Variants in FIS1 observed in about 807,000 individuals in gnomAD.
The protein encoded by FIS1 is mitochondrial fission 1 protein.
In FIS1, 16 loss-of-function variants were observed where a neutral mutation model predicts 21.6. The ratio of observed to expected loss-of-function variants is 0.74; its 90% CI spans 0.50 to 1.12. FIS1 has a LOEUF of 1.12. Among genes scored for constraint, FIS1 ranks in the 50% most tolerant of loss-of-function variants. FIS1 has a pLI of 0.00. For synonymous variants in FIS1, 92 were observed against 82.2 expected, an observed-to-expected ratio of 1.12 and a Z score of -0.65; for missense variants, 198 against 190.9, an observed-to-expected ratio of 1.04 and a Z score of -0.22.
chr7:101,241,674 G>C (rs1276793817), intron 2 of FIS1: 5 of 141,804 alleles, frequency 3.5e-5, no homozygotes, highest in Non-Finnish European at 7.6e-5. Flanking sequence ...AAAGAGACAG[G>C]GTGGGCCGTG....
At chr7:101,243,879 A>G (rs537700773) in intron 2 of FIS1, 128 bp downstream of exon 2, 713 of 1,221,532 alleles carry the variant, frequency 5.8e-4, no homozygotes, top group Non-Finnish European at 6.9e-4. Context: ...TCACTGGGAG[A>G]CGTCAAGCTA....
At chr7:101,244,562 AGAGCTACAAAGACT>A (rs943276731) in intron 1 of FIS1, 5 of 350,088 alleles carry the variant, frequency 1.4e-5, no homozygotes, top group African/African-American at 1.1e-4. Context: ...CCTACCTCCT[AGAGCTACAAAGACT>A]GAGATCTGGC....
intron 3 of FIS1, 72 bp downstream of exon 3, chr7:101,240,758 C>G: frequency 6.9e-7 from 1 of 1,445,142 alleles, no homozygotes; most frequent in Non-Finnish European, 9.7e-7. Flanking sequence ...TCCAGGGCTC[C>G]ACCCTGGAGG....
At chr7:101,241,184 T>G in intron 2 of FIS1, 1 of 415,396 alleles carries the variant, frequency 2.4e-6, no homozygotes. Context: ...ATCGGGGCCC[T>G]GGAGAAGCCA....
intron 2 of FIS1, among the ~76,000 whole-genome samples, chr7:101,242,962 T>A (rs10265282): frequency 0.022 from 3,276 of 152,264 alleles, 126 homozygotes; most frequent in African/African-American, 0.075. Flanking sequence ...TACAGTATAC[T>A]ATTTACACAG....
At position 101,244,943 on chromosome 7, in the gene FIS1, T is replaced by C; in HGVS notation, c.45+17A>G. The C allele has an allele frequency of 6.2e-7, 1 of 1,613,946 alleles. No homozygotes were observed. The highest frequency in any genetic ancestry group is 8.5e-7 in the Non-Finnish European group (1 of 1,179,914). ...CCCTCCGACCTTCCCTTTCCCTCTG[T>C]CCGGGCCAGGCCTCACCAGCAGGTC... On this transcript the variant is annotated intron_variant, in intron 1 of 4. Transcript: ENST00000223136.
chr7:101,244,836 C>CG (rs1378347605), intron 1 of FIS1, 124 bp downstream of exon 1: 1 of 1,212,774 alleles, frequency 8.2e-7, no homozygotes, highest in East Asian at 2.5e-5. Context: ...TGGAGGCTGC[C>CG]GGGAGCCGTA....
chr7:101,241,030 G>A, intron 2 of FIS1, 124 bp from the exon 3 acceptor site: 1 of 929,274 alleles, frequency 1.1e-6, no homozygotes, highest in South Asian at 1.5e-5. Flanking sequence ...ACAGTCCTAA[G>A]CCTCCCTTTC....
chr7:101,244,356 G>A (rs1415673741), intron 1 of FIS1, among the ~76,000 whole-genome samples: 2 of 152,096 alleles, frequency 1.3e-5, no homozygotes, highest in African/African-American at 4.8e-5. Context: ...CCCTCCCCGC[G>A]GCGGTACCGA....
intron 2 of FIS1, 107 bp downstream of exon 2, chr7:101,243,900 T>C (rs1164924192): frequency 2.1e-5 from 30 of 1,414,798 alleles, no homozygotes; most frequent in Non-Finnish European, 2.7e-5. Flanking sequence ...AGTATAGCCC[T>C]TGGTGCAGTA....
chr7:101,239,946 G>C, intron 4 of FIS1, 43 bp from the exon 5 acceptor site: 1 of 1,542,488 alleles, frequency 6.5e-7, no homozygotes, highest in Non-Finnish European at 8.8e-7. Context: ...GGCCCCTGCG[G>C]AAACCCTGAC....
rs371363936 is a variant in FIS1 at position 101,243,988 on chromosome 7, G to A, written c.178+19C>T. 5 of 1,603,222 alleles carry A rather than the reference G, an allele frequency of 3.1e-6. No homozygotes were observed. The highest frequency in any genetic ancestry group is 4.3e-6 in the Non-Finnish European group (5 of 1,173,184). ...AGCAGCCCAGATGGCAGCGGGAAAG[G>A]GAGAGTACAGCGCCTCACCCTCGAG... On this transcript the variant is annotated intron_variant, in intron 2 of 4. Transcript: ENST00000223136.
At chr7:101,240,948 T>G in intron 2 of FIS1, 42 bp from the exon 3 acceptor site, 2 of 1,589,840 alleles carry the variant, frequency 1.3e-6, no homozygotes, top group Non-Finnish European at 1.7e-6. Context: ...GCTTCTTTCC[T>G]AATACTTTCC....
At position 101,243,999 on chromosome 7, in the gene FIS1, C is replaced by A. The variant is rs769151685; in HGVS notation, c.178+8G>T. 1.4e-5 allele frequency: 22 copies of A among 1,611,286 alleles called. 2 individuals are homozygous for A. The South Asian group carries it at 2.2e-4, about 16-fold the overall frequency. On this transcript the variant is annotated splice_region_variant and intron_variant, in intron 2 of 4. Transcript: ENST00000223136. ...TGGCAGCGGGAAAGGGAGAGTACAG[C>A]GCCTCACCCTCGAGCAGCACGATGC...
intron 2 of FIS1, among the ~76,000 whole-genome samples, chr7:101,243,211 T>G (rs1404990996): frequency 1.3e-5 from 2 of 152,084 alleles, no homozygotes; most frequent in African/African-American, 4.8e-5. Flanking sequence ...AGAAACTAAG[T>G]GGTTAAGTAT....
At chr7:101,244,531 T>C (rs568290011) in intron 1 of FIS1, 25 of 327,360 alleles carry the variant, frequency 7.6e-5, no homozygotes, top group African/African-American at 4.9e-4. Context: ...GACCTTTTAT[T>C]GTCCAGGAAT....
Position 101,239,866 on chromosome 7 carries a change from G to A in FIS1, c.399C>T (p.Ala133=). The change falls in exon 5 of 5, where the codon GCC becomes GCT. Residue 133 remains alanine (A), a synonymous_variant. Coordinates refer to ENST00000223136, the MANE Select transcript of FIS1 (RefSeq NM_016068.3). ...GTCCGGCCAGTCCCGCCACACCCAG[G>A]GCCATGCCTCCCACGATGGCCATGC... The part of the protein sequence containing the change: ...LVGMAIVGGM[A]LGVAGLAGLI... The A allele has an allele frequency of 1.2e-6, 2 of 1,609,492 alleles. No individual in the cohort carries two copies. Among genetic ancestry groups the A allele is most frequent in the Non-Finnish European group, 8.5e-7 (1 of 1,178,054 alleles).
Position 101,245,012 on chromosome 7 carries a change from G to A in FIS1, c.-8C>T, listed in dbSNP as rs769557275. On this transcript the variant is annotated 5_prime_UTR_variant, in exon 1 of 5. Transcript: ENST00000223136. ...GTTCAGCACGGCCTCCATGGCCACT[G>A]CCCCCGCGAGCCTCACACTACAGTC... 2 of 1,613,748 alleles carry A rather than the reference G, an allele frequency of 1.2e-6. No homozygotes were observed. The highest frequency in any genetic ancestry group is 1.1e-5 in the South Asian group (1 of 91,004).
chr7:101,244,215 T>TG, intron 1 of FIS1, 76 bp from the exon 2 acceptor site: 1 of 1,525,316 alleles, frequency 6.6e-7, no homozygotes, highest in Non-Finnish European at 8.8e-7. Context: ...GCCATCTCCC[T>TG]GGCTCTGCCC....
Sources: allele counts gnomAD v4.1 joint callset (sites outside exome capture counted in the v4.1 genomes callset), GRCh38; gene constraint gnomAD v4.1.1; transcripts MANE v1.5; gene names NCBI Gene and HGNC (gene_info 2026-07-23, HGNC 2026-07-21).